DSCAM: variants seen among roughly 807,000 people sequenced by gnomAD.
DSCAM encodes the protein DS cell adhesion molecule, also known as cell adhesion molecule DSCAM.
A neutral mutation model predicts 217.7 loss-of-function variants in DSCAM; 47 were observed. The ratio of observed to expected loss-of-function variants is 0.22; its 90% CI spans 0.17 to 0.28. The LOEUF is 0.28. DSCAM is among the 10% of genes least tolerant of loss of function. The pLI, the probability that DSCAM is intolerant of heterozygous loss-of-function variation, is 1.00. For synonymous variants in DSCAM, 1,056 were observed against 1,015.3 expected, an observed-to-expected ratio of 1.04 and a Z score of -0.76; for missense variants, 2,080 against 2,618.3, an observed-to-expected ratio of 0.79 and a Z score of 4.49.
intron 3 of DSCAM, among the ~76,000 whole-genome samples, chr21:40,435,124 A>T (rs1233777306): frequency 6.6e-6 from 1 of 152,178 alleles, no homozygotes; most frequent in Non-Finnish European, 1.5e-5. Flanking sequence ...ATTACCCCGG[A>T]ATCACCCTTT....
chr21:40,655,331 C>T (rs1461143975), intron 3 of DSCAM, among the ~76,000 whole-genome samples: 1 of 152,148 alleles, frequency 6.6e-6, no homozygotes, highest in African/African-American at 2.4e-5. Flanking sequence ...AAGGCACAGA[C>T]AGATTTGGTG....
intron 1 of DSCAM, among the ~76,000 whole-genome samples, chr21:40,739,855 T>C (rs2091105039): frequency 1.3e-5 from 2 of 152,004 alleles, no homozygotes; most frequent in African/African-American, 4.8e-5. Context: ...AGTGGCTTCT[T>C]TCACTTTACA....
At chr21:40,563,796 A>G (rs1310993482) in intron 3 of DSCAM, among the ~76,000 whole-genome samples, 2 of 148,314 alleles carry the variant, frequency 1.3e-5, no homozygotes, top group East Asian at 1.9e-4. Context: ...ATATGTTTAT[A>G]TATAGTTATA....
Position 40,833,406 on chromosome 21 carries a change from G to A in DSCAM, c.43+13213C>T, listed in dbSNP as rs574994551. Among the ~76,000 whole-genome samples the A allele has an allele frequency of 1.6e-3, 248 of 152,204 alleles. 2 individuals carry two copies. The highest frequency in any genetic ancestry group is 5.7e-3 in the African/African-American group (238 of 41,542). On this transcript the variant is annotated intron_variant, in intron 1 of 32. Transcript: ENST00000400454. ...ACATCCACAGGAAAAACAGGCCTCC[G>A]CCAGCCGCAGAAAAGGGTGCTTCAG...
chr21:40,349,791 G>A (rs2074608978), intron 5 of DSCAM, among the ~76,000 whole-genome samples: 1 of 152,102 alleles, frequency 6.6e-6, no homozygotes, highest in African/African-American at 2.4e-5. Context: ...GCTGAGCAGA[G>A]AAAATCTGAT....
intron 1 of DSCAM, among the ~76,000 whole-genome samples, chr21:40,821,101 T>C (rs2091922164): frequency 6.9e-6 from 1 of 143,888 alleles, no homozygotes; most frequent in Non-Finnish European, 1.5e-5. Context: ...GAGAGATATA[T>C]ATATCTTCAC....
chr21:40,466,268 C>T lies in DSCAM; in HGVS notation c.509-97023G>A, dbSNP rs117322493. 6.3e-4 allele frequency among the ~76,000 whole-genome samples: 96 copies of T among 152,328 alleles called. 1 individual carries two copies. The East Asian group carries it at 0.017, about 27-fold the overall frequency. Reference sequence around the variant, plus strand: ...CAAATGACATTCACTCCTGTCTAGACCCAAGACCTCTCATGCCAATATCAC... The same window carrying T: ...CAAATGACATTCACTCCTGTCTAGATCCAAGACCTCTCATGCCAATATCAC... On this transcript the variant is annotated intron_variant, in intron 3 of 32. Coordinates refer to ENST00000400454, the MANE Select transcript of DSCAM (RefSeq NM_001389.5).
intron 1 of DSCAM, among the ~76,000 whole-genome samples, chr21:40,714,170 A>G (rs2090814634): frequency 6.6e-6 from 1 of 152,176 alleles, no homozygotes; most frequent in Admixed American, 6.5e-5. Context: ...AGCCGGCACA[A>G]AGAGTCCCCA....
At chr21:40,111,140 A>C (rs1334247652) in intron 20 of DSCAM, among the ~76,000 whole-genome samples, 1 of 152,212 alleles carries the variant, frequency 6.6e-6, no homozygotes, top group Admixed American at 6.5e-5. Context: ...GAAATGAAGG[A>C]AAAAATGTTA....
intron 1 of DSCAM, among the ~76,000 whole-genome samples, chr21:40,824,403 A>ATTTTTTTTTTTTTTTTTTTTTT: frequency 8.3e-6 from 1 of 121,030 alleles, no homozygotes; most frequent in Non-Finnish European, 1.7e-5. Context: ...TTTATTATTG[A>ATTTTTTTTTTTTTTTTTTTTTT]TTTTTTTTTT....
At chr21:40,625,447 C>G (rs2089587689) in intron 3 of DSCAM, among the ~76,000 whole-genome samples, 1 of 152,104 alleles carries the variant, frequency 6.6e-6, no homozygotes, top group African/African-American at 2.4e-5. Context: ...TTTTTCACTC[C>G]CTGAGATGAG....
At chr21:40,670,551 G>C (rs55714106) in intron 3 of DSCAM, among the ~76,000 whole-genome samples, 106,551 of 146,688 alleles carry the variant, frequency 0.73, 38,972 homozygotes, top group East Asian at 0.77. Flanking sequence ...AAAAAAAAAA[G>C]TGACTACTTT....
intron 1 of DSCAM, among the ~76,000 whole-genome samples, chr21:40,804,846 C>A (rs1008417606): frequency 2.6e-5 from 4 of 152,168 alleles, no homozygotes; most frequent in African/African-American, 9.7e-5. Flanking sequence ...ATCTACTGAG[C>A]TCCAGACTTA....
At position 40,414,827 on chromosome 21, in the gene DSCAM, C is replaced by T. The variant is rs189385216; in HGVS notation, c.509-45582G>A. ...TAAAGCACAAGGTAAGTCATCAGGT[C>T]TAAAAGCTAAAAAGATAATTTATCA... On this transcript the variant is annotated intron_variant, in intron 3 of 32. Transcript: ENST00000400454. Among the ~76,000 whole-genome samples the T allele has an allele frequency of 5.7e-4, 86 of 152,190 alleles. 1 individual carries two copies. In the East Asian group the frequency reaches 0.016, roughly 28 times the overall value.
In DSCAM at chr21:40,042,532, G is replaced by A. The variant is rs1358901932; in HGVS notation, c.5525C>T (p.Thr1842Met). Residue 1842 changes from threonine to methionine, a missense_variant, in exon 32 of 33, where the codon ACG becomes ATG. By Grantham distance (81) the Thr-to-Met change is moderately conservative. Transcript: ENST00000400454. ...FTITECFISD[T>M]SSEQLTAGTN... ...CCCTGCCGTCAACTGCTCCGATGAC[G>A]TGTCTGATATGAAGCACTCCGTGAT... is the stretch of plus-strand genomic sequence containing the variant. 9 of 1,614,078 alleles carry A rather than the reference G, an allele frequency of 5.6e-6. No homozygotes were observed. The highest frequency in any genetic ancestry group is 1.6e-4 in the Middle Eastern group (1 of 6,084).
intron 11 of DSCAM, among the ~76,000 whole-genome samples, chr21:40,241,806 C>G (rs893482004): frequency 6.6e-6 from 1 of 152,188 alleles, no homozygotes; most frequent in Non-Finnish European, 1.5e-5. Flanking sequence ...CCATGGAATA[C>G]CATGCGGCCA....
intron 11 of DSCAM, among the ~76,000 whole-genome samples, chr21:40,266,683 TTATA>T (rs1166888326): frequency 5.3e-5 from 6 of 112,924 alleles, no homozygotes; most frequent in African/African-American, 2.5e-4. Context: ...TCTTGAAATT[TTATA>T]TATATAAAGA....
intron 3 of DSCAM, among the ~76,000 whole-genome samples, chr21:40,590,909 T>G (rs1334535783): frequency 5.9e-5 from 9 of 152,270 alleles, no homozygotes. Flanking sequence ...TTGTCCAGGC[T>G]GCTATAACAA....
At chr21:40,070,584 T>C (rs959685754) in intron 27 of DSCAM, among the ~76,000 whole-genome samples, 4 of 152,164 alleles carry the variant, frequency 2.6e-5, no homozygotes, top group African/African-American at 9.7e-5. Context: ...GCTTCCCACA[T>C]TCAGGGTGGC....
Sources: allele counts gnomAD v4.1 joint callset (sites outside exome capture counted in the v4.1 genomes callset), GRCh38; gene constraint gnomAD v4.1.1; transcripts MANE v1.5; gene names NCBI Gene and HGNC (gene_info 2026-07-23, HGNC 2026-07-21).